Variants in JPH3 observed in about 807,000 individuals in gnomAD.
JPH3 encodes junctophilin-3.
Under a neutral mutation model 59.6 loss-of-function variants are expected in JPH3, and 11 were observed. That is an observed-to-expected ratio of 0.18 (90% CI 0.12 to 0.31). The LOEUF (loss-of-function observed/expected upper bound fraction) is 0.31. Ranked by LOEUF, JPH3 falls within the 10% of genes least tolerant of loss-of-function variation. JPH3 has a pLI of 1.00. For synonymous variants in JPH3, 673 were observed against 483.6 expected, an observed-to-expected ratio of 1.39 and a Z score of -5.14; for missense variants, 1,202 against 1,105.7, an observed-to-expected ratio of 1.09 and a Z score of -1.24.
At chr16:87,688,295 C>T (rs757855141) in intron 3 of JPH3, among the ~76,000 whole-genome samples, 101 of 152,220 alleles carry the variant, frequency 6.6e-4, no homozygotes, top group Admixed American at 1.3e-3. Context: ...GCCATGGCCT[C>T]GCTCTGCTCA....
At chr16:87,689,519 C>T (rs1363012849) in intron 3 of JPH3, 127 bp from the exon 4 acceptor site, 3 of 1,034,282 alleles carry the variant, frequency 2.9e-6, no homozygotes, top group Non-Finnish European at 2.9e-6. Context: ...TGCCTGCAGC[C>T]TTTCGGTGAG....
chr16:87,677,737 G>A (rs1273728566), intron 2 of JPH3, among the ~76,000 whole-genome samples: 4 of 152,246 alleles, frequency 2.6e-5, no homozygotes, highest in Non-Finnish European at 2.9e-5. Context: ...AGAAGAGCTC[G>A]CTTGCCCATT....
rs1201802118 is a variant in JPH3 at position 87,602,958 on chromosome 16, C to G, written c.-189C>G. The G allele has an allele frequency of 5.0e-6, 3 of 599,150 alleles. No homozygotes were observed. The highest frequency in any genetic ancestry group is 2.8e-6 in the Non-Finnish European group (1 of 352,004). 37.1% of individuals were successfully genotyped at this position (599,150 alleles called of 1,614,324 possible). A position where few individuals can be genotyped will look rare whatever the true frequency, so the allele number is the denominator to read the frequency against. ...CGCAGCTCGAAAAGGAATAATCGCC[C>G]CCGATTGACTGAAATTCCTCCGGAG... is the stretch of plus-strand genomic sequence containing the variant. On this transcript the variant is annotated 5_prime_UTR_variant, in exon 1 of 5. Coordinates refer to ENST00000284262, the MANE Select transcript of JPH3 (RefSeq NM_020655.4).
chr16:87,620,447 AGAGAGAAGGAGAGAGAGG>A (rs1555534438), intron 1 of JPH3, among the ~76,000 whole-genome samples: 1,082 of 75,536 alleles, frequency 0.014, 17 homozygotes, highest in African/African-American at 0.042. Flanking sequence ...AGGGAGAGAG[AGAGAGAAGGAGAGAGAGG>A]GAGAGAAGGA....
At chr16:87,612,593 T>C (rs1396181119) in intron 1 of JPH3, among the ~76,000 whole-genome samples, 1 of 152,164 alleles carries the variant, frequency 6.6e-6, no homozygotes, top group African/African-American at 2.4e-5. Context: ...CCACTGACAC[T>C]GGAAACTTTA....
chr16:87,696,080 G>T (rs1436978102), intron 4 of JPH3: 4 of 456,776 alleles, frequency 8.8e-6, no homozygotes, highest in Non-Finnish European at 1.8e-5. Context: ...TTTTGTTGAG[G>T]ACACTGTGCT....
chr16:87,655,393 C>G (rs1352218288), intron 2 of JPH3, among the ~76,000 whole-genome samples: 1 of 151,972 alleles, frequency 6.6e-6, no homozygotes, highest in Non-Finnish European at 1.5e-5. Context: ...CTGCTCTGTC[C>G]CCCGGGCTGG....
At chr16:87,659,394 A>AAAAAAAAAAAAAAAAAAAAAC (rs2032626502) in intron 2 of JPH3, among the ~76,000 whole-genome samples, 2 of 143,852 alleles carry the variant, frequency 1.4e-5, no homozygotes, top group Non-Finnish European at 3.1e-5. Context: ...AAAGAAAAAA[A>AAAAAAAAAAAAAAAAAAAAAC]AAAAGAAAAC....
intron 3 of JPH3, among the ~76,000 whole-genome samples, chr16:87,687,860 G>C (rs1323424700): frequency 1.3e-5 from 2 of 152,206 alleles, no homozygotes; most frequent in South Asian, 2.1e-4. Flanking sequence ...GGATGGGGGG[G>C]GCCTTGATCC....
chr16:87,691,549 C>T (rs997772387), intron 4 of JPH3, among the ~76,000 whole-genome samples: 5 of 152,066 alleles, frequency 3.3e-5, no homozygotes, highest in South Asian at 2.1e-4. Context: ...CGGCAGGGGT[C>T]GGTGTCTGTC....
intron 2 of JPH3, among the ~76,000 whole-genome samples, chr16:87,662,148 C>T (rs2032724497): frequency 6.6e-6 from 1 of 152,184 alleles, no homozygotes; most frequent in Non-Finnish European, 1.5e-5. Flanking sequence ...CCCTGCCTGC[C>T]CTGGGCACAG....
At chr16:87,631,435 T>C (rs928712553) in intron 1 of JPH3, among the ~76,000 whole-genome samples, 1 of 152,244 alleles carries the variant, frequency 6.6e-6, no homozygotes, top group African/African-American at 2.4e-5. Context: ...GACTTCTAGG[T>C]TCAGTGTTGC....
In JPH3 at chr16:87,611,623, G is replaced by A. The variant is rs993244604; in HGVS notation, c.382+8095G>A. 3.3e-5 allele frequency among the ~76,000 whole-genome samples: 5 copies of A among 152,010 alleles called. No homozygotes were observed. Among genetic ancestry groups the A allele is most frequent in the African/African-American group, 9.7e-5 (4 of 41,370 alleles). ...CTGCTGGTGGAGTCTGAGTTGGGCA[G>A]GACATGGGCCCGCCTCTGTCTGCTG... On this transcript the variant is annotated intron_variant, in intron 1 of 4. Coordinates refer to ENST00000284262, the MANE Select transcript of JPH3 (RefSeq NM_020655.4). This position sits in a 1 kb window ranked among gnomAD's most constrained non-coding sequence, Gnocchi z 4.5.
At chr16:87,634,364 G>C (rs1157324631) in intron 1 of JPH3, among the ~76,000 whole-genome samples, 2 of 152,182 alleles carry the variant, frequency 1.3e-5, no homozygotes, top group Non-Finnish European at 2.9e-5. Flanking sequence ...GATGGGTGCT[G>C]GTCGATATGG....
At chr16:87,660,991 T>C (rs2032684165) in intron 2 of JPH3, among the ~76,000 whole-genome samples, 1 of 152,242 alleles carries the variant, frequency 6.6e-6, no homozygotes, top group Admixed American at 6.5e-5. Flanking sequence ...ATCTTGGCTT[T>C]AAGTTGTAGA....
At chr16:87,671,056 A>T (rs1655640870) in intron 2 of JPH3, among the ~76,000 whole-genome samples, 1 of 152,134 alleles carries the variant, frequency 6.6e-6, no homozygotes, top group African/African-American at 2.4e-5. Context: ...ACCCATGCCC[A>T]GCAGGGCCCT....
chr16:87,628,926 C>A (rs1266650399), intron 1 of JPH3, among the ~76,000 whole-genome samples: 2 of 152,120 alleles, frequency 1.3e-5, no homozygotes, highest in East Asian at 1.9e-4. Context: ...CAGATGAGCC[C>A]CACTTCTTAG....
At chr16:87,618,895 C>T (rs997739575) in intron 1 of JPH3, among the ~76,000 whole-genome samples, 1 of 152,178 alleles carries the variant, frequency 6.6e-6, no homozygotes, top group Non-Finnish European at 1.5e-5. Context: ...TTGAGACCAG[C>T]CTGGCCAACA....
At chr16:87,606,100 A>G (rs1455207198) in intron 1 of JPH3, among the ~76,000 whole-genome samples, 2 of 152,228 alleles carry the variant, frequency 1.3e-5, no homozygotes, top group African/African-American at 4.8e-5. Flanking sequence ...AGGAGCCTGC[A>G]GGGTGTGGGG....
Sources: allele counts gnomAD v4.1 joint callset (sites outside exome capture counted in the v4.1 genomes callset), GRCh38; gene constraint gnomAD v4.1.1; non-coding constraint Gnocchi (gnomAD v3.1); transcripts MANE v1.5; gene names NCBI Gene and HGNC (gene_info 2026-07-23, HGNC 2026-07-21).